The following RASEF variants were observed in gnomAD, a reference collection of about 807,000 sequenced individuals.
RASEF encodes ras and EF-hand domain-containing protein.
Under a neutral mutation model 90.1 loss-of-function variants are expected in RASEF, and 68 were observed. The observed-to-expected ratio is 0.75, with a 90% confidence interval of 0.62 to 0.92. The LOEUF is 0.92. RASEF is among the 40% of genes least tolerant of loss of function. The probability of loss-of-function intolerance (pLI) is 0.00; values close to 1 mark genes in which losing one functional copy is unlikely to be tolerated. For synonymous variants in RASEF, 331 were observed against 345.2 expected, an observed-to-expected ratio of 0.96 and a Z score of 0.46; for missense variants, 949 against 937.2, an observed-to-expected ratio of 1.01 and a Z score of -0.16.
intron 2 of RASEF, 127 bp downstream of exon 2, chr9:83,025,648 A>T: frequency 2.3e-6 from 2 of 877,938 alleles, no homozygotes; most frequent in Non-Finnish European, 3.5e-6. Flanking sequence ...TGAAAGCTCT[A>T]GACTCCTCAG....
the RASEF span, among the ~76,000 whole-genome samples, chr9:83,118,443 G>T: frequency 1.3e-5 from 2 of 152,190 alleles, no homozygotes; most frequent in African/African-American, 4.8e-5. Context: ...GGATGAAGGG[G>T]TCAATAAGTC....
At chr9:83,119,925 A>T in the RASEF span, among the ~76,000 whole-genome samples, 1 of 152,212 alleles carries the variant, frequency 6.6e-6, no homozygotes, top group Non-Finnish European at 1.5e-5. Flanking sequence ...AACAATATTA[A>T]ATGTATTTCC....
the RASEF span, among the ~76,000 whole-genome samples, chr9:83,141,542 T>C: frequency 2.6e-5 from 4 of 152,220 alleles, no homozygotes; most frequent in African/African-American, 4.8e-5. Flanking sequence ...TTGAAGGATT[T>C]ACGCTTTAAA....
the RASEF span, among the ~76,000 whole-genome samples, chr9:83,159,671 C>T: frequency 5.3e-5 from 8 of 152,142 alleles, no homozygotes; most frequent in African/African-American, 1.9e-4. Flanking sequence ...AGAAAACCTA[C>T]AAATTTGCAC....
chr9:83,194,792 C>T, the RASEF span, among the ~76,000 whole-genome samples: 1 of 152,184 alleles, frequency 6.6e-6, no homozygotes, highest in Non-Finnish European at 1.5e-5. Context: ...ATTTATTTTG[C>T]TGCTCAAATT....
At chr9:82,995,168 T>C (rs1467659920) in intron 14 of RASEF, among the ~76,000 whole-genome samples, 1 of 152,208 alleles carries the variant, frequency 6.6e-6, no homozygotes, top group African/African-American at 2.4e-5. Flanking sequence ...ACGTGTGAAG[T>C]TGCTTTGCAA....
chr9:83,013,463 G>C (rs1416061053), intron 4 of RASEF, among the ~76,000 whole-genome samples: 1 of 152,184 alleles, frequency 6.6e-6, no homozygotes, highest in Non-Finnish European at 1.5e-5. Context: ...ATTTAAACAC[G>C]CATTTTGACT....
the RASEF span, among the ~76,000 whole-genome samples, chr9:83,144,075 C>T: frequency 2.0e-5 from 3 of 152,082 alleles, no homozygotes; most frequent in Non-Finnish European, 4.4e-5. Context: ...ACCACATGTT[C>T]TCACTTACAA....
At chr9:83,069,857 G>GAT in the RASEF span, among the ~76,000 whole-genome samples, 9 of 152,098 alleles carry the variant, frequency 5.9e-5, no homozygotes, top group African/African-American at 2.2e-4. Context: ...AATTCTAATG[G>GAT]ATATGTAATA....
the RASEF span, among the ~76,000 whole-genome samples, chr9:83,198,831 A>ATG: frequency 1.4e-4 from 1 of 7,064 alleles, no homozygotes. Context: ...TTATAAATAG[A>ATG]ATGGGGGGGA....
the RASEF span, among the ~76,000 whole-genome samples, chr9:83,131,755 T>C: frequency 8.5e-5 from 13 of 152,186 alleles, no homozygotes; most frequent in Non-Finnish European, 1.8e-4. Context: ...AACATCTAAA[T>C]GGGTATACTC....
chr9:83,115,329 A>C, the RASEF span, among the ~76,000 whole-genome samples: 2 of 152,204 alleles, frequency 1.3e-5, no homozygotes, highest in East Asian at 1.9e-4. Context: ...CTTCAAGGGA[A>C]CTTGAACACA....
chr9:82,994,439 C>G (rs1266816241), intron 14 of RASEF, among the ~76,000 whole-genome samples: 2 of 152,166 alleles, frequency 1.3e-5, no homozygotes. Flanking sequence ...AACCACAGCC[C>G]ACTTCCTTAT....
At chr9:83,149,600 C>A in the RASEF span, among the ~76,000 whole-genome samples, 1 of 152,102 alleles carries the variant, frequency 6.6e-6, no homozygotes, top group African/African-American at 2.4e-5. Context: ...CTGTGCATGG[C>A]CTGAGAGGCC....
At chr9:83,188,053 G>A in the RASEF span, among the ~76,000 whole-genome samples, 1 of 152,070 alleles carries the variant, frequency 6.6e-6, no homozygotes, top group African/African-American at 2.4e-5. Flanking sequence ...ACATAACTAA[G>A]TACTCAATAA....
the RASEF span, among the ~76,000 whole-genome samples, chr9:83,122,535 C>T: frequency 2.0e-5 from 3 of 152,162 alleles, no homozygotes; most frequent in African/African-American, 7.2e-5. Flanking sequence ...TCCCCCACTC[C>T]TTGTGAGGGC....
chr9:83,096,638 T>A, the RASEF span, among the ~76,000 whole-genome samples: 80 of 152,168 alleles, frequency 5.3e-4, no homozygotes, highest in Non-Finnish European at 1.0e-3. Flanking sequence ...TTTTTTTTTT[T>A]CTTTTATTAT....
intron 1 of RASEF, among the ~76,000 whole-genome samples, chr9:83,028,731 T>C (rs991935883): frequency 6.6e-6 from 1 of 152,226 alleles, no homozygotes; most frequent in South Asian, 2.1e-4. Flanking sequence ...GAAATGTATA[T>C]GCATCCTCTC....
At chr9:83,138,117 C>T in the RASEF span, among the ~76,000 whole-genome samples, 1 of 151,844 alleles carries the variant, frequency 6.6e-6, no homozygotes, top group Non-Finnish European at 1.5e-5. Context: ...TCACGTTAAT[C>T]TGCTTTTCCA....
Sources: gnomAD v4.1 joint callset for allele counts (sites outside exome capture counted in the v4.1 genomes callset) on GRCh38, gnomAD v4.1.1 for gene constraint, MANE v1.5 for transcripts, NCBI Gene and HGNC (gene_info 2026-07-23, HGNC 2026-07-21) for gene names.